The following KDR variants were observed in gnomAD, a reference collection of about 807,000 sequenced individuals.
KDR encodes kinase insert domain receptor, also known as vascular endothelial growth factor receptor 2.
In KDR, 43 loss-of-function variants were observed where a neutral mutation model predicts 160.9. The observed-to-expected ratio is 0.27, with a 90% CI of 0.21 to 0.34. The LOEUF is 0.34. Among genes scored for constraint, KDR ranks in the 10% least tolerant of loss-of-function variants. The pLI is 1.00. For missense variants in KDR, 1,469 were observed against 1,666.4 expected (o/e 0.88, Z 2.06); for synonymous variants, 617 against 600.1 (o/e 1.03, Z -0.41).
intron 22 of KDR, chr4:55,092,307 C>T (rs1224886725): frequency 2.5e-6 from 1 of 399,216 alleles, no homozygotes; most frequent in Admixed American, 3.6e-5. Context: ...TTGCTCTACC[C>T]ACTAGAACTG....
rs587778428 is a variant in KDR, at chr4:55,114,200, G to A, written c.724C>T (p.Leu242Phe). Residue 242 changes from leucine (L) to phenylalanine (F), a missense_variant, in exon 6 of 30, where the codon CTT becomes TTT. Physicochemically the swap from Leu to Phe is conservative, Grantham distance 22. This residue lies in a region of KDR where 792 missense variants were observed against 840.9 expected (regional missense o/e 0.94). Coordinates refer to ENST00000263923, the MANE Select transcript of KDR (RefSeq NM_002253.4). ...GTTCTTGCTGTACAATTTAAGACAA[G>A]CTTTTCTCCAACAGATAGTTCAATT... ...HGIELSVGEKLVLNCTARTEL... is the reference protein window; with the variant it reads ...HGIELSVGEKFVLNCTARTEL... The A allele has an allele frequency of 2.5e-6, 4 of 1,613,754 alleles. No homozygotes were observed. Among genetic ancestry groups the A allele is most frequent in the African/African-American group, 1.3e-5 (1 of 74,882 alleles).
At chr4:55,105,975 C>A (rs1720437378) in intron 11 of KDR, 35 bp from the exon 12 acceptor site, 1 of 1,351,878 alleles carries the variant, frequency 7.4e-7, no homozygotes, top group Non-Finnish European at 1.1e-6. Flanking sequence ...AGGCCATAAA[C>A]AACGCGGCTG....
chr4:55,115,322 A>G lies in KDR; in HGVS notation c.448T>C (p.Cys150Arg). 1 of 1,599,766 alleles carries G rather than the reference A, an allele frequency of 6.3e-7. No homozygotes were observed. The highest frequency in any genetic ancestry group is 8.6e-7 in the Non-Finnish European group (1 of 1,168,818). ...ENKNKTVVIPCLGSISNLNVS... is the reference protein window; with the variant it reads ...ENKNKTVVIPRLGSISNLNVS... ...TTGAGATTTGAAATGGACCCGAGACATGGAATCACCACAGTTTTGTTTTTG... is the reference window on the plus strand; with the variant it reads ...TTGAGATTTGAAATGGACCCGAGACGTGGAATCACCACAGTTTTGTTTTTG... Residue 150 changes from cysteine to arginine, a missense_variant, in exon 4 of 30, where the codon TGT (cysteine) becomes CGT (arginine). Coordinates refer to ENST00000263923, the MANE Select transcript of KDR (RefSeq NM_002253.4).
At chr4:55,115,175 A>G in intron 4 of KDR, 106 bp downstream of exon 4, 1 of 1,246,318 alleles carries the variant, frequency 8.0e-7, no homozygotes, top group Non-Finnish European at 1.2e-6. Flanking sequence ...GACCCTTCCT[A>G]AAGGATCCTT....
intron 22 of KDR, 195 bp downstream of exon 22, chr4:55,092,422 T>C: frequency 1.7e-6 from 1 of 603,964 alleles, no homozygotes; most frequent in South Asian, 1.8e-5. Flanking sequence ...GCCTTTATTA[T>C]ACAGCTTAAT....
At chr4:55,106,890 T>G in intron 10 of KDR, 80 bp from the exon 11 acceptor site, 1 of 1,271,968 alleles carries the variant, frequency 7.9e-7, no homozygotes, top group Non-Finnish European at 1.1e-6. Context: ...AGATTCAGAC[T>G]TTGGTTATTC....
At chr4:55,101,517 C>T (rs7677779) in intron 15 of KDR, among the ~76,000 whole-genome samples, 30,952 of 151,974 alleles carry the variant, frequency 0.2, 3,614 homozygotes, top group East Asian at 0.47. Flanking sequence ...TTTTAAGTTC[C>T]GGGATACATG....
rs1560518120 is a variant in KDR, at chr4:55,101,880, T to C, written c.2266+17A>G. On this transcript the variant is annotated intron_variant, in intron 15 of 29. Transcript: ENST00000263923. ...TCCATGGTGTATATGTACCACATTT[T>C]TTTTTATCCCACTGACCTTCTATTA... is the stretch of plus-strand genomic sequence containing the variant. The C allele has an allele frequency of 2.5e-6, 4 of 1,607,040 alleles. No individual in the cohort carries two copies. Among genetic ancestry groups the C allele is most frequent in the Non-Finnish European group, 3.4e-6 (4 of 1,174,772 alleles).
chr4:55,098,609 T>C, intron 16 of KDR, 88 bp downstream of exon 16: 2 of 1,000,262 alleles, frequency 2.0e-6, no homozygotes, highest in Admixed American at 3.6e-5. Flanking sequence ...CCAATAACAA[T>C]GGGAAGAAAC....
In KDR at chr4:55,079,110, C is replaced by T. The variant is rs1379875547; in HGVS notation, c.*831G>A. 2 of 233,246 alleles carry T rather than the reference C, an allele frequency of 8.6e-6. No individual in the cohort carries two copies. Among genetic ancestry groups the T allele is most frequent in the East Asian group, 6.0e-5 (1 of 16,602 alleles). The allele number at this position is 233,246 out of a possible 1,614,324, so 14.4% of individuals were successfully genotyped here. On this transcript the variant is annotated 3_prime_UTR_variant, in exon 30 of 30. Transcript: ENST00000263923. ...TTTGTGCAGTCAGAACTCTTCAACA[C>T]GGCAGGGAGCCTTGAGCTGAATGTC...
chr4:55,113,238 G>A, intron 7 of KDR, 66 bp downstream of exon 7: 1 of 1,517,894 alleles, frequency 6.6e-7, no homozygotes, highest in Non-Finnish European at 9.2e-7. Flanking sequence ...ATCACTAAGT[G>A]ACCTAAATTT....
rs75559729 is a variant in KDR at position 55,119,319 on chromosome 4, A to G, written c.162-519T>C. ...AGATTCCTGAGTTTTCCATTAATTA[A>G]TGCATTCTTTCTTTCAACAAATATC... On this transcript the variant is annotated intron_variant, in intron 2 of 29. Transcript: ENST00000263923. Among the ~76,000 whole-genome samples, 1,406 of 152,314 alleles carry G rather than the reference A, an allele frequency of 9.2e-3. 20 individuals carry two copies. Among genetic ancestry groups the G allele is most frequent in the African/African-American group, 0.032 (1,320 of 41,570 alleles).
At chr4:55,117,310 T>C (rs544994920) in intron 3 of KDR, among the ~76,000 whole-genome samples, 67 of 152,192 alleles carry the variant, frequency 4.4e-4, no homozygotes, top group Non-Finnish European at 8.1e-4. Context: ...TGGGGGATGT[T>C]CATCTTGTAG....
intron 29 of KDR, 34 bp from the exon 30 acceptor site, chr4:55,080,197 G>A (rs775229117): frequency 6.3e-7 from 1 of 1,591,586 alleles, no homozygotes; most frequent in Non-Finnish European, 8.6e-7. Flanking sequence ...GGAGTTGGCA[G>A]AGAGAAGACA....
chr4:55,118,156 G>C (rs1720779675), intron 3 of KDR, among the ~76,000 whole-genome samples: 1 of 152,116 alleles, frequency 6.6e-6, no homozygotes, highest in East Asian at 1.9e-4. Context: ...GTTCCTATGT[G>C]CAAAAAACTC....
In KDR at chr4:55,125,522, A is replaced by G; in HGVS notation, c.-229T>C. ...CCAGACGGACTTTCTGCGGCGCGCAAGTGATGCCCGGCGCAGGCAGAGGAA... is the reference window on the plus strand; with the variant it reads ...CCAGACGGACTTTCTGCGGCGCGCAGGTGATGCCCGGCGCAGGCAGAGGAA... On this transcript the variant is annotated 5_prime_UTR_variant, in exon 1 of 30. Transcript: ENST00000263923. 1 of 606,316 alleles carries G rather than the reference A, an allele frequency of 1.6e-6. No homozygotes were observed. The highest frequency in any genetic ancestry group is 2.0e-5 in the South Asian group (1 of 51,080). 37.6% of individuals were successfully genotyped at this position (606,316 alleles called of 1,614,324 possible). A position where few individuals can be genotyped will look rare whatever the true frequency, so the allele number is the denominator to read the frequency against.
chr4:55,106,905 CT>C, intron 10 of KDR, 95 bp from the exon 11 acceptor site: 1 of 1,142,376 alleles, frequency 8.8e-7, no homozygotes, highest in Non-Finnish European at 1.3e-6. Context: ...TTATTCTGTT[CT>C]TAGAAATAAC....
rs766796174 is a variant in KDR, at chr4:55,118,631, C to A, written c.331G>T (p.Ala111Ser). Residue 111 changes from alanine (A) to serine (S), a missense_variant, in exon 3 of 30, where the codon GCC becomes TCC. Coordinates refer to ENST00000263923, the MANE Select transcript of KDR (RefSeq NM_002253.4). ...YKCFYRETDL[A>S]SVIYVYVQDY... ...TGAACATAGACATAAATGACCGAGG[C>A]CAAGTCAGTTTCCCGGTAGAAGCAC... 1 of 1,614,068 alleles carries A rather than the reference C, an allele frequency of 6.2e-7. No individual in the cohort carries two copies.
intron 23 of KDR, 71 bp downstream of exon 23, chr4:55,089,885 T>C (rs2110011345): frequency 1.2e-6 from 2 of 1,603,438 alleles, no homozygotes; most frequent in Non-Finnish European, 1.7e-6. Context: ...TGAACACAGG[T>C]CCTGAAGCTC....
Sources: gnomAD v4.1 joint callset for allele counts (sites outside exome capture counted in the v4.1 genomes callset) on GRCh38, gnomAD v4.1.1 for gene constraint, gnomAD v4.1.1 regional missense constraint, MANE v1.5 for transcripts, NCBI Gene and HGNC (gene_info 2026-07-23, HGNC 2026-07-21) for gene names.